The following LIG1 variants were observed in gnomAD, a reference collection of about 807,000 sequenced individuals.
The protein encoded by LIG1 is DNA ligase 1.
A neutral mutation model predicts 115.7 loss-of-function variants in LIG1; 70 were observed. The observed-to-expected ratio is 0.60, with a 90% confidence interval of 0.50 to 0.74. The LOEUF is 0.74. Among genes scored for constraint, LIG1 ranks in the 30% least tolerant of loss-of-function variants. The pLI is 0.00. For missense variants in LIG1, 1,115 were observed against 1,225.6 expected (o/e 0.91, Z 1.35); for synonymous variants, 487 against 495.3 (o/e 0.98, Z 0.22).
At chr19:48,141,539 G>A (rs956780430) in intron 11 of LIG1, among the ~76,000 whole-genome samples, 2 of 152,174 alleles carry the variant, frequency 1.3e-5, no homozygotes, top group African/African-American at 2.4e-5. Flanking sequence ...AGAGTCCGTG[G>A]CTTGCCCAAG....
At position 48,122,900 on chromosome 19, in the gene LIG1, G is replaced by C. The variant is rs368136455; in HGVS notation, c.2232+34C>G. 5 of 1,597,534 alleles carry C rather than the reference G, an allele frequency of 3.1e-6. No individual in the cohort carries two copies. In the African/African-American group the frequency reaches 6.7e-5, roughly 21 times the overall value. On this transcript the variant is annotated intron_variant, in intron 23 of 27. Coordinates refer to ENST00000263274, the MANE Select transcript of LIG1 (RefSeq NM_000234.3). The surrounding 1 kb of genome is among the most constrained non-coding windows in gnomAD (Gnocchi z 4.3). ...AGCTGGGACAGACCTCCAGACCCGGGGTGGAGAAGGCCCAGTTGGGGGTCG... is the reference window on the plus strand; with the variant it reads ...AGCTGGGACAGACCTCCAGACCCGGCGTGGAGAAGGCCCAGTTGGGGGTCG...
chr19:48,117,217 T>C (rs909754435), intron 26 of LIG1, among the ~76,000 whole-genome samples: 2 of 152,152 alleles, frequency 1.3e-5, no homozygotes, highest in African/African-American at 4.8e-5. Context: ...TGGAGTACAG[T>C]GGTGTGATCT....
At position 48,164,185 on chromosome 19, in the gene LIG1, G is replaced by A. The variant is rs140780652; in HGVS notation, c.17+1365C>T. On this transcript the variant is annotated intron_variant, in intron 2 of 27. Coordinates refer to ENST00000263274, the MANE Select transcript of LIG1 (RefSeq NM_000234.3). ...CCTCTAAAATTATTCCAGAATAAGA[G>A]GTTTATTTAATCTTCAAAAAGAAAA... Among the ~76,000 whole-genome samples, 361 of 152,058 alleles carry A rather than the reference G, an allele frequency of 2.4e-3. 6 individuals are homozygous for A. The highest frequency in any genetic ancestry group is 0.019 in the East Asian group (98 of 5,174).
intron 4 of LIG1, among the ~76,000 whole-genome samples, chr19:48,160,605 T>C (rs529115156): frequency 1.3e-5 from 2 of 152,192 alleles, no homozygotes; most frequent in South Asian, 4.1e-4. Flanking sequence ...GCTTTGGACA[T>C]CATCCACAAA....
chr19:48,160,262 T>C (rs1003022769), intron 4 of LIG1, among the ~76,000 whole-genome samples: 1 of 152,180 alleles, frequency 6.6e-6, no homozygotes, highest in Non-Finnish European at 1.5e-5. Context: ...GTGAGGAAAG[T>C]TTCGCTGAGG....
intron 18 of LIG1, among the ~76,000 whole-genome samples, chr19:48,132,412 G>A (rs1256280318): frequency 1.3e-5 from 2 of 152,138 alleles, no homozygotes; most frequent in Non-Finnish European, 1.5e-5. Flanking sequence ...CAGCATCAGC[G>A]GAGCCCACGT....
intron 5 of LIG1, among the ~76,000 whole-genome samples, chr19:48,155,807 T>C (rs2035795208): frequency 6.6e-6 from 1 of 152,320 alleles, no homozygotes; most frequent in African/African-American, 2.4e-5. Flanking sequence ...TCTGTGTAGG[T>C]TTCATAAAAT....
At position 48,124,601 on chromosome 19, in the gene LIG1, T is replaced by C. The variant is rs1314159150; in HGVS notation, c.2005-1283A>G. 5.9e-5 allele frequency among the ~76,000 whole-genome samples: 9 copies of C among 152,242 alleles called. No individual in the cohort carries two copies. In the East Asian group the frequency reaches 1.2e-3, roughly 20 times the overall value. On this transcript the variant is annotated intron_variant, in intron 21 of 27. Transcript: ENST00000263274. ...TCCAAGAAAAGAGTGTAAAATTCCA[T>C]GTTAATAATTTCTTATATTCATCAC... is the stretch of plus-strand genomic sequence containing the variant.
chr19:48,116,260 G>A (rs952944813), intron 26 of LIG1: 7 of 350,348 alleles, frequency 2.0e-5, no homozygotes, highest in African/African-American at 6.3e-5. Flanking sequence ...TGGCTAACAC[G>A]GTGAAACCCC....
At position 48,131,092 on chromosome 19, in the gene LIG1, A is replaced by T. The variant is rs755183059; in HGVS notation, c.1805T>A (p.Ile602Asn). The change falls in exon 19 of 28, where the codon ATC becomes AAC. Residue 602 changes from isoleucine (I) to asparagine (N), a missense_variant. Ile to Asn is a moderately radical substitution (Grantham distance 149). Transcript: ENST00000263274. ...EDNTGKYPDI[I>N]SRIPKIKLPS... ...GACGCCCACCTTGGGGATGCGGCTG[A>T]TGATGTCCGGGTACTTCCCAGTGTT... 1 of 1,614,044 alleles carries T rather than the reference A, an allele frequency of 6.2e-7. No homozygotes were observed.
chr19:48,164,651 T>C (rs1390625285), intron 2 of LIG1, among the ~76,000 whole-genome samples: 1 of 152,130 alleles, frequency 6.6e-6, no homozygotes, highest in Admixed American at 6.5e-5. Flanking sequence ...TCAAGGACAG[T>C]AGAGCTGAAC....
chr19:48,131,196 GA>G, intron 18 of LIG1, 25 bp from the exon 19 acceptor site: 2 of 1,576,542 alleles, frequency 1.3e-6, no homozygotes, highest in Non-Finnish European at 1.7e-6. Context: ...GAAGGGAGGG[GA>G]AATCAGCTGA....
chr19:48,119,328 G>T, intron 24 of LIG1, 138 bp from the exon 25 acceptor site: 1 of 738,618 alleles, frequency 1.4e-6, no homozygotes, highest in East Asian at 2.7e-5. Flanking sequence ...CAGGGAAGTA[G>T]GGAGCTGGGG....
chr19:48,133,677 C>G (rs1338692713), intron 17 of LIG1, among the ~76,000 whole-genome samples: 1 of 152,160 alleles, frequency 6.6e-6, no homozygotes, highest in Middle Eastern at 3.2e-3. Flanking sequence ...CTCACTGCAG[C>G]CTTGAACTCC....
intron 21 of LIG1, among the ~76,000 whole-genome samples, chr19:48,124,947 G>T (rs1297881579): frequency 6.6e-6 from 1 of 151,694 alleles, no homozygotes; most frequent in Non-Finnish European, 1.5e-5. Context: ...CGCCAGAGGC[G>T]GAGGCTGCAG....
chr19:48,169,911 T>TCCCCCC (rs1555784937), intron 1 of LIG1: 4 of 80,046 alleles, frequency 5.0e-5, no homozygotes, highest in African/African-American at 2.0e-4. Context: ...CACACAGTTT[T>TCCCCCC]CCCCCCCCCG....
At chr19:48,125,363 G>C (rs1223473089) in intron 21 of LIG1, among the ~76,000 whole-genome samples, 1 of 152,162 alleles carries the variant, frequency 6.6e-6, no homozygotes, top group Non-Finnish European at 1.5e-5. Context: ...ATCAGACTCT[G>C]ACTGTCTTCC....
intron 5 of LIG1, among the ~76,000 whole-genome samples, chr19:48,155,020 G>A (rs2035746595): frequency 6.6e-6 from 1 of 152,076 alleles, no homozygotes; most frequent in South Asian, 2.1e-4. Flanking sequence ...ACCCCTCCAG[G>A]CCTCAGCATG....
At chr19:48,138,507 A>T (rs1348758992) in intron 12 of LIG1, among the ~76,000 whole-genome samples, 1 of 152,230 alleles carries the variant, frequency 6.6e-6, no homozygotes, top group African/African-American at 2.4e-5. Flanking sequence ...CACAAATGGG[A>T]GAGCCGACAG....
Sources: gnomAD v4.1 joint callset for allele counts (sites outside exome capture counted in the v4.1 genomes callset) on GRCh38, gnomAD v4.1.1 for gene constraint, Gnocchi (gnomAD v3.1) non-coding constraint, MANE v1.5 for transcripts, NCBI Gene and HGNC (gene_info 2026-07-23, HGNC 2026-07-21) for gene names.